KLHL42: variants seen among roughly 807,000 people sequenced by gnomAD.
The protein encoded by KLHL42 is kelch like family member 42.
Under a neutral mutation model 32.7 loss-of-function variants are expected in KLHL42, and 27 were observed. The ratio of observed to expected loss-of-function variants is 0.83; its 90% CI spans 0.61 to 1.14. The LOEUF (loss-of-function observed/expected upper bound fraction) is 1.14. KLHL42 is among the 50% of genes most tolerant of loss of function. The pLI is 0.00. For synonymous variants in KLHL42, 267 were observed against 248.2 expected, an observed-to-expected ratio of 1.08 and a Z score of -0.71; for missense variants, 491 against 560.8, an observed-to-expected ratio of 0.88 and a Z score of 1.26.
chr12:27,789,343 CCTGG>C (rs2062186389), intron 1 of KLHL42, among the ~76,000 whole-genome samples: 1 of 152,170 alleles, frequency 6.6e-6, no homozygotes, highest in South Asian at 2.1e-4. Flanking sequence ...CCTGTGTAAG[CCTGG>C]ACTCATAACC....
At chr12:27,793,948 C>G (rs183953865) in intron 2 of KLHL42, among the ~76,000 whole-genome samples, 2 of 152,202 alleles carry the variant, frequency 1.3e-5, no homozygotes, top group Non-Finnish European at 2.9e-5. Context: ...CACATGCTAA[C>G]GTAGCATCCA....
intron 2 of KLHL42, among the ~76,000 whole-genome samples, chr12:27,793,692 T>C (rs2062207404): frequency 6.6e-6 from 1 of 152,244 alleles, no homozygotes; most frequent in African/African-American, 2.4e-5. Flanking sequence ...AGGAAATCTA[T>C]TTCTGCATTT....
At chr12:27,797,420 T>G (rs2062223925) in intron 2 of KLHL42, 3 of 523,066 alleles carry the variant, frequency 5.7e-6, no homozygotes, top group Non-Finnish European at 1.1e-5. Flanking sequence ...GGTTCAAAGG[T>G]GTGGGGATAC....
rs980783431 is a variant in KLHL42, at chr12:27,800,279, A to G, written c.*2113A>G. ...CTAATGTTGACAATTAGATTCTTGGACCAAGTGAGGGTGTACTCTGATCCA... is the reference window on the plus strand; with the variant it reads ...CTAATGTTGACAATTAGATTCTTGGGCCAAGTGAGGGTGTACTCTGATCCA... On this transcript the variant is annotated 3_prime_UTR_variant, in exon 3 of 3. Transcript: ENST00000381271. The G allele has an allele frequency of 1.0e-6, 1 of 985,090 alleles. No homozygotes were observed. Among genetic ancestry groups the G allele is most frequent in the African/African-American group, 1.8e-5 (1 of 57,130 alleles). 61.0% of individuals were successfully genotyped at this position (985,090 alleles called of 1,614,324 possible). A position where few individuals can be genotyped will look rare whatever the true frequency, so the allele number is the denominator to read the frequency against.
rs2062141807 is a variant in KLHL42 at position 27,780,535 on chromosome 12, A to T, written c.205A>T (p.Ile69Phe). The change falls in exon 1 of 3, where the codon ATC (isoleucine) becomes TTC (phenylalanine). Residue 69 changes from isoleucine to phenylalanine, a missense_variant. Physicochemically the swap from Ile to Phe is conservative, Grantham distance 21 (BLOSUM62 0). Around this residue, in one of 4 missense-constraint regions of KLHL42, gnomAD observed 3 missense variants for 16.6 expected, o/e 0.18. Coordinates refer to ENST00000381271, the MANE Select transcript of KLHL42 (RefSeq NM_020782.2). This position sits in a 1 kb window ranked among gnomAD's most constrained non-coding sequence, Gnocchi z 8.8. ...GGGCCTGCGGCTGGTGCTGGACTTC[A>T]TCAACGCCGGCGGGGCCCGCGAAGG... is the stretch of plus-strand genomic sequence containing the variant. ...APGLRLVLDF[I>F]NAGGAREGWL... is the part of the protein sequence containing the mutation. 21 of 1,534,694 alleles carry T rather than the reference A, an allele frequency of 1.4e-5. No individual in the cohort carries two copies. Among genetic ancestry groups the T allele is most frequent in the Non-Finnish European group, 1.8e-5 (21 of 1,144,732 alleles).
At chr12:27,786,956 A>G (rs557830112) in intron 1 of KLHL42, among the ~76,000 whole-genome samples, 7 of 151,342 alleles carry the variant, frequency 4.6e-5, no homozygotes, top group Non-Finnish European at 5.9e-5. Flanking sequence ...CGATCTCCTG[A>G]CCTCGTGATC....
rs1337939292 is a variant in KLHL42 at position 27,802,990 on chromosome 12, G to T, written c.*4824G>T. On this transcript the variant is annotated 3_prime_UTR_variant, in exon 3 of 3. Coordinates refer to ENST00000381271, the MANE Select transcript of KLHL42 (RefSeq NM_020782.2). Reference sequence around the variant, plus strand: ...TACCCACTATAACAGCATTCCTTTTGTGTTTAGAACTATAGAAGAAAATGT... The same window carrying T: ...TACCCACTATAACAGCATTCCTTTTTTGTTTAGAACTATAGAAGAAAATGT... 1.3e-5 allele frequency: 2 copies of T among 152,186 alleles called. No homozygotes were observed. The highest frequency in any genetic ancestry group is 6.5e-5 in the Admixed American group (1 of 15,280). The allele number at this position is 152,186 out of a possible 1,614,324, so 9.4% of individuals were successfully genotyped here.
At chr12:27,791,554 C>A (rs2062197071) in intron 1 of KLHL42, among the ~76,000 whole-genome samples, 154 bp from the exon 2 acceptor site, 1 of 152,198 alleles carries the variant, frequency 6.6e-6, no homozygotes, top group African/African-American at 2.4e-5. Context: ...TTCGAGAAGC[C>A]ATCCTTTCCT....
rs1565480716 is a variant in KLHL42, at chr12:27,780,985, A to G, written c.655A>G (p.Met219Val). The G allele has an allele frequency of 1.9e-6, 3 of 1,602,200 alleles. No individual in the cohort carries two copies. The highest frequency in any genetic ancestry group is 1.3e-5 in the African/African-American group (1 of 74,718). ...PHPYQGEPPS[M>V]LRYEEMTERW... ...CCCCTACCAGGGGGAGCCCCCGTCC[A>G]TGCTCAGGTACGAGGAGATGACTGA... Residue 219 changes from methionine (M) to valine (V), a missense_variant, in exon 1 of 3, where the codon ATG becomes GTG. Around this residue, in one of 4 missense-constraint regions of KLHL42, gnomAD observed 248 missense variants for 329.2 expected, o/e 0.75. Transcript: ENST00000381271. This position sits in a 1 kb window ranked among gnomAD's most constrained non-coding sequence, Gnocchi z 8.8.
intron 1 of KLHL42, among the ~76,000 whole-genome samples, chr12:27,791,105 C>G (rs117836052): frequency 6.6e-6 from 1 of 152,250 alleles, no homozygotes; most frequent in Non-Finnish European, 1.5e-5. Flanking sequence ...TGAATTTGTT[C>G]AGTGCTGACC....
chr12:27,783,057 C>T (rs190609550), intron 1 of KLHL42, among the ~76,000 whole-genome samples: 17 of 152,266 alleles, frequency 1.1e-4, no homozygotes, highest in Admixed American at 5.2e-4. Context: ...TTGACTCTCC[C>T]AAAAACTTAA....
intron 1 of KLHL42, among the ~76,000 whole-genome samples, chr12:27,785,289 T>A (rs911612627): frequency 6.6e-5 from 10 of 152,164 alleles, no homozygotes; most frequent in Non-Finnish European, 1.3e-4. Flanking sequence ...AGCCTTCAAC[T>A]CTTGGGCTCA....
At chr12:27,785,795 A>G (rs1054407993) in intron 1 of KLHL42, among the ~76,000 whole-genome samples, 3 of 152,158 alleles carry the variant, frequency 2.0e-5, no homozygotes, top group Non-Finnish European at 1.5e-5. Flanking sequence ...TGCTTAAAAT[A>G]CGTGTTTTCT....
intron 2 of KLHL42, among the ~76,000 whole-genome samples, chr12:27,793,128 T>C (rs2062204389): frequency 1.3e-5 from 2 of 152,140 alleles, no homozygotes; most frequent in South Asian, 4.1e-4. Flanking sequence ...TAGTTGTTGG[T>C]GGGATACAGT....
chr12:27,800,581 A>G lies in KLHL42; in HGVS notation c.*2415A>G, dbSNP rs76904010. ...GCTCGGTTCTCTTGTTGGTGCCAGT[A>G]TTACATTGAAGACTACCTATGATAG... On this transcript the variant is annotated 3_prime_UTR_variant, in exon 3 of 3. Transcript: ENST00000381271. The G allele has an allele frequency of 9.3e-3, 1,514 of 163,580 alleles. 15 individuals carry two copies. Among genetic ancestry groups the G allele is most frequent in the Middle Eastern group, 0.016 (5 of 320 alleles). 10.1% of individuals were successfully genotyped at this position (163,580 alleles called of 1,614,324 possible). A position where few individuals can be genotyped will look rare whatever the true frequency, so the allele number is the denominator to read the frequency against.
Position 27,780,323 on chromosome 12 carries a change from C to CCCAG in KLHL42, c.-6_-5insAGCC. 1 of 1,555,670 alleles carries CCCAG rather than the reference C, an allele frequency of 6.4e-7. No homozygotes were observed. The highest frequency in any genetic ancestry group is 8.7e-7 in the Non-Finnish European group (1 of 1,155,352). ...GCGGTGAGCGCTGCCGCCCCGGGGC[C>CCCAG]CCCAGCCATGTCGGCCGAGGAGATG... is the stretch of plus-strand genomic sequence containing the variant. On this transcript the variant is annotated 5_prime_UTR_variant, in exon 1 of 3. Transcript: ENST00000381271. The surrounding 1 kb of genome is among the most constrained non-coding windows in gnomAD (Gnocchi z 8.8).
intron 1 of KLHL42, among the ~76,000 whole-genome samples, chr12:27,790,104 T>C (rs956432787): frequency 6.6e-6 from 1 of 152,216 alleles, no homozygotes; most frequent in Non-Finnish European, 1.5e-5. Context: ...GTGCATAGCC[T>C]CTACCTCCAT....
At chr12:27,787,805 C>T (rs1352197758) in intron 1 of KLHL42, 1 of 152,126 alleles carries the variant, frequency 6.6e-6, no homozygotes, top group East Asian at 1.9e-4. Context: ...TCCTCTCAGC[C>T]AATGTTTACC....
intron 2 of KLHL42, among the ~76,000 whole-genome samples, chr12:27,794,594 C>T (rs1044610966): frequency 6.6e-6 from 1 of 152,086 alleles, no homozygotes; most frequent in East Asian, 1.9e-4. Flanking sequence ...TGGGTTCAGG[C>T]GATCTCCCAC....
Sources: gnomAD v4.1 joint callset for allele counts (sites outside exome capture counted in the v4.1 genomes callset) on GRCh38, gnomAD v4.1.1 for gene constraint, gnomAD v4.1.1 regional missense constraint, Gnocchi (gnomAD v3.1) non-coding constraint, MANE v1.5 for transcripts, NCBI Gene and HGNC (gene_info 2026-07-23, HGNC 2026-07-21) for gene names.